Variants in PLPP2 observed in about 807,000 individuals in gnomAD.
The protein encoded by PLPP2 is phospholipid phosphatase 2, also known as PAP2-gamma.
A neutral mutation model predicts 35.2 loss-of-function variants in PLPP2; 29 were observed. The ratio of observed to expected loss-of-function variants is 0.82; its 90% confidence interval spans 0.61 to 1.12. The LOEUF is 1.12. PLPP2 is among the 50% of genes most tolerant of loss of function. The pLI is 0.00. For missense variants in PLPP2, 353 were observed against 375.2 expected, an observed-to-expected ratio of 0.94 and a Z score of 0.49; for synonymous variants, 162 against 167.0, an observed-to-expected ratio of 0.97 and a Z score of 0.23.
chr19:283,298 C>T (rs1970214084), intron 3 of PLPP2: 1 of 157,544 alleles, frequency 6.3e-6, no homozygotes, highest in East Asian at 1.9e-4. Context: ...CACCAGAAGA[C>T]TTATCAAGAT....
chr19:281,944 G>A, intron 5 of PLPP2, 190 bp downstream of exon 5: 2 of 654,010 alleles, frequency 3.1e-6, no homozygotes, highest in Admixed American at 5.5e-5. Flanking sequence ...AAGGGGTCCA[G>A]GGGAGGACTG....
At position 291,208 on chromosome 19, in the gene PLPP2, C is replaced by T. The variant is rs1475873501; in HGVS notation, c.52+77G>A. The T allele has an allele frequency of 8.5e-5, 135 of 1,590,414 alleles. 1 individual carries two copies. In the East Asian group the frequency reaches 3.2e-3, roughly 37 times the overall value. ...GAGGGCGCGCAGCCTCCGCGTTCCCCTGCAAACTTGCGCGCAGCCGGGGGC... is the reference window on the plus strand; with the variant it reads ...GAGGGCGCGCAGCCTCCGCGTTCCCTTGCAAACTTGCGCGCAGCCGGGGGC... On this transcript the variant is annotated intron_variant, in intron 1 of 5. Coordinates refer to ENST00000434325, the MANE Select transcript of PLPP2 (RefSeq NM_003712.4).
chr19:282,093 T>A (rs756255034), intron 5 of PLPP2, 41 bp downstream of exon 5: 26 of 1,606,520 alleles, frequency 1.6e-5, no homozygotes, highest in Non-Finnish European at 2.2e-5. Context: ...GGGAGTGGTC[T>A]CTGGACAACA....
intron 3 of PLPP2, chr19:284,265 A>G: frequency 6.6e-6 from 1 of 151,484 alleles, no homozygotes; most frequent in African/African-American, 2.4e-5. Flanking sequence ...GAGGCAGGAG[A>G]TTTGCTTGAA....
intron 1 of PLPP2, among the ~76,000 whole-genome samples, chr19:288,837 C>G (rs978291677): frequency 6.6e-5 from 10 of 152,182 alleles, no homozygotes; most frequent in Admixed American, 4.6e-4. Context: ...GGGCAGAGTC[C>G]CTGGAGCCTG....
intron 1 of PLPP2, chr19:291,071 CT>C: frequency 7.5e-7 from 1 of 1,327,380 alleles, no homozygotes; most frequent in Non-Finnish European, 9.6e-7. Context: ...CCCCATCCCC[CT>C]GGGCCTGGGA....
intron 1 of PLPP2, chr19:290,889 G>A: frequency 8.5e-7 from 1 of 1,183,230 alleles, no homozygotes. Flanking sequence ...CAGGGGCGGA[G>A]GCGCGGACGT....
chr19:287,572 T>C lies in PLPP2; in HGVS notation c.384A>G (p.Leu128=), dbSNP rs1236568911. The change falls in exon 3 of 6, where the codon CTA becomes CTG. Residue 128 remains leucine (L), a synonymous_variant. Transcript: ENST00000434325. This position sits in a 1 kb window ranked among gnomAD's most constrained non-coding sequence, Gnocchi z 4.3. ...GGCTCCAGTCGGGGTCGCAGACGGCTAGGAAGTTGGGCCTCAGACGCCCAA... is the reference window on the plus strand; with the variant it reads ...GGCTCCAGTCGGGGTCGCAGACGGCCAGGAAGTTGGGCCTCAGACGCCCAA... ...YMIGRLRPNF[L]AVCDPDWSRV... is the part of the protein sequence containing the mutation. 6.2e-7 allele frequency: 1 copy of C among 1,613,790 alleles called. No individual in the cohort carries two copies. Among genetic ancestry groups the C allele is most frequent in the Non-Finnish European group, 8.5e-7 (1 of 1,180,022 alleles).
At chr19:285,874 G>A (rs192915659) in intron 3 of PLPP2, 2 of 152,222 alleles carry the variant, frequency 1.3e-5, no homozygotes, top group African/African-American at 2.4e-5. Context: ...TGAGGTAGGA[G>A]AATCGCTTGA....
chr19:281,398 G>T lies in PLPP2; in HGVS notation c.857C>A (p.Ser286Tyr). 7.0e-7 allele frequency: 1 copy of T among 1,421,302 alleles called. No individual in the cohort carries two copies. The highest frequency in any genetic ancestry group is 9.3e-7 in the Non-Finnish European group (1 of 1,079,628). 88.0% of individuals were successfully genotyped at this position (1,421,302 alleles called of 1,614,324 possible). Residue 286 changes from serine to tyrosine, a missense_variant, in exon 6 of 6, where the codon TCC (serine) becomes TAC (tyrosine). Physicochemically the swap from Ser to Tyr is moderately radical, Grantham distance 144. Transcript: ENST00000434325. ...GGGCGGGGTCCGGCCTCAGGAGGAG[G>T]AGTGCGGGTATCCATAGTGGTTGTG... Reference protein sequence around the residue: ...ADHNHYGYPHSSS With the variant: ...ADHNHYGYPHYSS
intron 1 of PLPP2, among the ~76,000 whole-genome samples, chr19:290,623 G>A (rs574995904): frequency 1.3e-5 from 2 of 152,346 alleles, no homozygotes; most frequent in East Asian, 1.9e-4. Context: ...CCCTGCGGGA[G>A]GGGGGCCTCG....
chr19:281,215 A>T lies in PLPP2; in HGVS notation c.*173T>A. The stretch of plus-strand genomic sequence containing the variant: ...TGCTGAGGGCTACCCAGGCATCTCC[A>T]GACTCCTGGTCCAGTGCAGGGCAGG... On this transcript the variant is annotated 3_prime_UTR_variant, in exon 6 of 6. Coordinates refer to ENST00000434325, the MANE Select transcript of PLPP2 (RefSeq NM_003712.4). 1 of 562,696 alleles carries T rather than the reference A, an allele frequency of 1.8e-6. No homozygotes were observed. The highest frequency in any genetic ancestry group is 2.7e-6 in the Non-Finnish European group (1 of 375,920). 34.9% of individuals were successfully genotyped at this position (562,696 alleles called of 1,614,324 possible).
chr19:283,896 T>G (rs999570834), intron 3 of PLPP2: 8 of 151,952 alleles, frequency 5.3e-5, no homozygotes, highest in African/African-American at 1.9e-4. Context: ...GCTAAAAGAA[T>G]AGGAAGAAAC....
At position 291,265 on chromosome 19, in the gene PLPP2, C is replaced by T; in HGVS notation, c.52+20G>A. Reference sequence around the variant, plus strand: ...GTCCCGGGAGGGTCCCCCCAACACCCGGGTCCCCAAGGCTCTTACCGACCA... The same window carrying T: ...GTCCCGGGAGGGTCCCCCCAACACCTGGGTCCCCAAGGCTCTTACCGACCA... On this transcript the variant is annotated intron_variant, in intron 1 of 5. Transcript: ENST00000434325. 1 of 1,599,994 alleles carries T rather than the reference C, an allele frequency of 6.3e-7. No individual in the cohort carries two copies. Among genetic ancestry groups the T allele is most frequent in the Non-Finnish European group, 8.5e-7 (1 of 1,174,252 alleles).
chr19:289,464 T>TCACGCCTGTCATCC (rs61703664), intron 1 of PLPP2, among the ~76,000 whole-genome samples: 2,124 of 151,562 alleles, frequency 0.014, 50 homozygotes, highest in African/African-American at 0.047. Flanking sequence ...GCGTGGTGGC[T>TCACGCCTGTCATCC]CAGCACTTTG....
At chr19:283,072 C>A in intron 3 of PLPP2, 1 of 447,686 alleles carries the variant, frequency 2.2e-6, no homozygotes. Flanking sequence ...ACAATCATGT[C>A]TGGCAAGCAG....
At chr19:285,185 C>T in intron 3 of PLPP2, 1 of 151,576 alleles carries the variant, frequency 6.6e-6, no homozygotes, top group Non-Finnish European at 1.5e-5. Flanking sequence ...GTAATCCCAG[C>T]ACTTTGGGAG....
Position 287,322 on chromosome 19 carries a change from A to T in PLPP2, c.482+152T>A, listed in dbSNP as rs72982364. ...TACAACATGGATGAACTTCAAAAAC[A>T]TACAAGAATGCACTAACTTATACAA... On this transcript the variant is annotated intron_variant, in intron 3 of 5. Transcript: ENST00000434325. This position sits in a 1 kb window ranked among gnomAD's most constrained non-coding sequence, Gnocchi z 4.3. The T allele has an allele frequency of 5.9e-3, 5,640 of 958,964 alleles. 24 individuals carry two copies. Among genetic ancestry groups the T allele is most frequent in the Non-Finnish European group, 7.6e-3 (4,926 of 648,612 alleles). 59.4% of individuals were successfully genotyped at this position (958,964 alleles called of 1,614,324 possible). A position where few individuals can be genotyped will look rare whatever the true frequency, so the allele number is the denominator to read the frequency against.
In PLPP2 at chr19:282,038, G is replaced by GACTCA. The variant is rs1410815371; in HGVS notation, c.717+91_717+95dup. On this transcript the variant is annotated intron_variant, in intron 5 of 5. Coordinates refer to ENST00000434325, the MANE Select transcript of PLPP2 (RefSeq NM_003712.4). ...CTGACAGGGAGGAGGCCCAAGGAAG[G>GACTCA]ACTCAGTGGGGCAAGGGTACCCAGG... 3.6e-6 allele frequency: 5 copies of GACTCA among 1,381,930 alleles called. No homozygotes were observed. The Admixed American group carries it at 5.7e-5, about 16-fold the overall frequency. 85.6% of individuals were successfully genotyped at this position (1,381,930 alleles called of 1,614,324 possible). A position where few individuals can be genotyped will look rare whatever the true frequency, so the allele number is the denominator to read the frequency against.
Sources: gnomAD v4.1 joint callset for allele counts (sites outside exome capture counted in the v4.1 genomes callset) on GRCh38, gnomAD v4.1.1 for gene constraint, Gnocchi (gnomAD v3.1) non-coding constraint, MANE v1.5 for transcripts, NCBI Gene and HGNC (gene_info 2026-07-23, HGNC 2026-07-21) for gene names.